The following FAM184A variants were observed in gnomAD, a reference collection of about 807,000 sequenced individuals.
FAM184A encodes family with sequence similarity 184 member A.
A neutral mutation model predicts 143.8 loss-of-function variants in FAM184A; 99 were observed. That is an observed-to-expected ratio of 0.69 (90% CI 0.58 to 0.81). The LOEUF is 0.81. Ranked by LOEUF, FAM184A falls within the 40% of genes least tolerant of loss-of-function variation. FAM184A has a pLI of 0.00. For synonymous variants in FAM184A, 427 were observed against 446.4 expected (o/e 0.96, Z 0.55); for missense variants, 1,217 against 1,310.5 (o/e 0.93, Z 1.10).
intron 9 of FAM184A, among the ~76,000 whole-genome samples, chr6:118,995,205 C>A (rs1255928281): frequency 6.6e-6 from 1 of 151,976 alleles, no homozygotes; most frequent in Non-Finnish European, 1.5e-5. Flanking sequence ...TCGCTTGAGC[C>A]CAGGAGTTCG....
chr6:119,121,600 A>G (rs899769976), intron 1 of FAM184A, among the ~76,000 whole-genome samples: 2 of 152,226 alleles, frequency 1.3e-5, no homozygotes, highest in Non-Finnish European at 2.9e-5. Flanking sequence ...TTTCTTATTT[A>G]TAAATATTTT....
chr6:119,079,254 A>G (rs1245718314), upstream of FAM184A: 1 of 152,058 alleles, frequency 6.6e-6, no homozygotes, highest in Non-Finnish European at 1.5e-5. Flanking sequence ...TGCTGAGTGT[A>G]TGTGTGGAGG....
In FAM184A at chr6:119,107,777, CA is replaced by C. The variant is rs71556825; in HGVS notation, c.-202+41300del. Among the ~76,000 whole-genome samples the C allele has an allele frequency of 6.9e-3, 696 of 100,832 alleles. 8 individuals carry two copies. The highest frequency in any genetic ancestry group is 0.039 in the East Asian group (140 of 3,558). 66.1% of individuals were successfully genotyped at this position (100,832 alleles called of 152,430 possible). ...TGGGTGACAGAGTGAGACTTTGTCT[CA>C]AAAAAAAAAAAAAAAAAGAAAGAAA... On this transcript the variant is annotated intron_variant, in intron 1 of 16. Coordinates refer to the FAM184A transcript ENST00000352896.
chr6:119,141,550 C>T (rs1363332789), intron 1 of FAM184A, among the ~76,000 whole-genome samples: 2 of 152,160 alleles, frequency 1.3e-5, no homozygotes. Context: ...GATCTTGGCT[C>T]ACTGCAGTCT....
intron 1 of FAM184A, among the ~76,000 whole-genome samples, chr6:119,059,503 T>C (rs533860705): frequency 5.3e-5 from 8 of 152,356 alleles, no homozygotes; most frequent in African/African-American, 1.9e-4. Flanking sequence ...CAGTTCAACT[T>C]TACAAACCAT....
chr6:119,128,929 T>C (rs1435801328), intron 1 of FAM184A, among the ~76,000 whole-genome samples: 1 of 151,588 alleles, frequency 6.6e-6, no homozygotes, highest in African/African-American at 2.4e-5. Context: ...TAAGGTCCAA[T>C]AAAAAACACT....
chr6:119,006,056 T>A (rs778097258), intron 7 of FAM184A: 1 of 764,036 alleles, frequency 1.3e-6, no homozygotes, highest in Non-Finnish European at 2.4e-6. Context: ...GTTAAGATGA[T>A]GTCAAACTGG....
intron 1 of FAM184A, among the ~76,000 whole-genome samples, chr6:119,109,709 TC>T (rs2114846206): frequency 6.6e-6 from 1 of 152,334 alleles, no homozygotes; most frequent in Non-Finnish European, 1.5e-5. Flanking sequence ...AGGACTTTCA[TC>T]TTAGAAACTC....
chr6:119,138,919 C>T (rs1562165815), intron 1 of FAM184A, among the ~76,000 whole-genome samples: 1 of 152,164 alleles, frequency 6.6e-6, no homozygotes, highest in Non-Finnish European at 1.5e-5. Context: ...AGCCACCGCA[C>T]CCAGCCCCTT....
chr6:119,107,967 T>C (rs192119037), intron 1 of FAM184A, among the ~76,000 whole-genome samples: 249 of 152,220 alleles, frequency 1.6e-3, no homozygotes, highest in Non-Finnish European at 2.6e-3. Flanking sequence ...TCTTTACAAA[T>C]ATGAACTGAA....
At chr6:119,019,496 G>A (rs1056114281) in intron 4 of FAM184A, among the ~76,000 whole-genome samples, 24 of 152,132 alleles carry the variant, frequency 1.6e-4, no homozygotes, top group Admixed American at 2.0e-4. Context: ...GGTATTGTGG[G>A]CATCTGAAAA....
chr6:119,011,065 T>C (rs1785073276), intron 6 of FAM184A: 1 of 351,614 alleles, frequency 2.8e-6, no homozygotes, highest in Non-Finnish European at 5.1e-6. Context: ...TTTTCCTATG[T>C]GGTGATATTC....
At chr6:118,973,187 A>G (rs1344184281) in intron 14 of FAM184A, among the ~76,000 whole-genome samples, 2 of 152,196 alleles carry the variant, frequency 1.3e-5, no homozygotes, top group Non-Finnish European at 2.9e-5. Context: ...ACTCAAGTAA[A>G]TAACAACTGG....
At position 119,078,217 on chromosome 6, in the gene FAM184A, T is replaced by C; in HGVS notation, c.83A>G (p.Gln28Arg). The change falls in exon 1 of 18, where the codon CAG becomes CGG. Residue 28 changes from glutamine to arginine, a missense_variant. By Grantham distance (43) the Gln-to-Arg change is conservative (BLOSUM62 1). Transcript: ENST00000338891. The surrounding 1 kb of genome is among the most constrained non-coding windows in gnomAD (Gnocchi z 5.5). Reference protein sequence around the residue: ...AKFAPSPATAQLAGHSMDYSQ... With the variant: ...AKFAPSPATARLAGHSMDYSQ... ...GTAGTCCATGCTGTGCCCAGCCAGC[T>C]GTGCGGTGGCCGGCGAGGGCGCGAA... 6.4e-7 allele frequency: 1 copy of C among 1,558,988 alleles called. No individual in the cohort carries two copies. Among genetic ancestry groups the C allele is most frequent in the Non-Finnish European group, 8.7e-7 (1 of 1,155,676 alleles).
intron 1 of FAM184A, among the ~76,000 whole-genome samples, chr6:119,085,732 A>C (rs1043471866): frequency 6.6e-6 from 1 of 152,206 alleles, no homozygotes; most frequent in East Asian, 1.9e-4. Context: ...TAAAGAAAAA[A>C]GGTTTAATCG....
At chr6:119,077,862 G>C (rs1279483788) in intron 1 of FAM184A, among the ~76,000 whole-genome samples, 1 of 152,244 alleles carries the variant, frequency 6.6e-6, no homozygotes, top group Non-Finnish European at 1.5e-5. Context: ...TGAAATAAAG[G>C]AACTAAATCC....
Position 119,003,490 on chromosome 6 carries a change from A to T in FAM184A, c.1937+11T>A. On this transcript the variant is annotated intron_variant, in intron 8 of 17. Coordinates refer to ENST00000338891, the MANE Select transcript of FAM184A (RefSeq NM_024581.6). ...GTCTTTATTGATAAGATTACAGAAT[A>T]AAAAATGTACCTAAGATTTTCAGTC... The T allele has an allele frequency of 6.2e-7, 1 of 1,609,428 alleles. No homozygotes were observed. The highest frequency in any genetic ancestry group is 8.5e-7 in the Non-Finnish European group (1 of 1,178,036).
chr6:118,988,154 C>T (rs1449649815), intron 9 of FAM184A, among the ~76,000 whole-genome samples: 5 of 152,036 alleles, frequency 3.3e-5, no homozygotes, highest in Non-Finnish European at 7.4e-5. Context: ...TAAAGGGAAA[C>T]ATTCAGAAAT....
intron 1 of FAM184A, among the ~76,000 whole-genome samples, chr6:119,088,115 G>T (rs141015600): frequency 1.3e-5 from 2 of 152,154 alleles, no homozygotes; most frequent in African/African-American, 4.8e-5. Flanking sequence ...ATTGTTTAAT[G>T]GGTATAGGGT....
Sources: allele counts gnomAD v4.1 joint callset (sites outside exome capture counted in the v4.1 genomes callset), GRCh38; gene constraint gnomAD v4.1.1; non-coding constraint Gnocchi (gnomAD v3.1); transcripts MANE v1.5; gene names NCBI Gene and HGNC (gene_info 2026-07-23, HGNC 2026-07-21).